MTBP: variants seen among roughly 807,000 people sequenced by gnomAD.
The protein encoded by MTBP is mdm2-binding protein.
Under a neutral mutation model 117.0 loss-of-function variants are expected in MTBP, and 101 were observed. That is an observed-to-expected ratio of 0.86 (90% confidence interval 0.73 to 1.02). The LOEUF (loss-of-function observed/expected upper bound fraction) is 1.02. Ranked by LOEUF, MTBP falls within the 50% of genes least tolerant of loss-of-function variation. The probability of loss-of-function intolerance (pLI) is 0.00; values close to 1 mark genes in which losing one functional copy is unlikely to be tolerated. For synonymous variants in MTBP, 350 were observed against 351.5 expected, an observed-to-expected ratio of 1.00 and a Z score of 0.05; for missense variants, 970 against 1,030.9, an observed-to-expected ratio of 0.94 and a Z score of 0.81.
At chr8:120,480,753 T>G (rs1017435040) in intron 11 of MTBP, among the ~76,000 whole-genome samples, 4 of 152,120 alleles carry the variant, frequency 2.6e-5, no homozygotes, top group Non-Finnish European at 4.4e-5. Context: ...ATGGATCATA[T>G]AACTTAATTC....
At chr8:120,503,905 A>C (rs1232031101) in intron 15 of MTBP, among the ~76,000 whole-genome samples, 1 of 152,136 alleles carries the variant, frequency 6.6e-6, no homozygotes, top group African/African-American at 2.4e-5. Context: ...GCTTCAGTCG[A>C]GTGAGTGGTG....
intron 14 of MTBP, among the ~76,000 whole-genome samples, chr8:120,497,997 G>A (rs1325842833): frequency 6.6e-6 from 1 of 152,192 alleles, no homozygotes; most frequent in African/African-American, 2.4e-5. Flanking sequence ...ACTTCACTGA[G>A]ACAGCTGGAA....
At position 120,455,535 on chromosome 8, in the gene MTBP, A is replaced by G; in HGVS notation, c.585A>G (p.Glu195=). Residue 195 remains glutamate, a synonymous_variant, in exon 6 of 22, where the codon GAA becomes GAG. Transcript: ENST00000305949. ...TAGGAGCATTAAAACATTTGAGAGA[A>G]TGGTATTCAGCAAAGATCACTATAG... is the stretch of plus-strand genomic sequence containing the variant. The part of the protein sequence containing the change: ...PTVGALKHLR[E]WYSAKITIAG... 1 of 1,609,654 alleles carries G rather than the reference A, an allele frequency of 6.2e-7. No individual in the cohort carries two copies. The highest frequency in any genetic ancestry group is 8.5e-7 in the Non-Finnish European group (1 of 1,177,900).
intron 11 of MTBP, among the ~76,000 whole-genome samples, chr8:120,481,628 TTGTC>T (rs1382444777): frequency 6.6e-6 from 1 of 152,184 alleles, no homozygotes; most frequent in Non-Finnish European, 1.5e-5. Context: ...AGATCAATGG[TTGTC>T]TGAGGCCATG....
chr8:120,474,098 T>C (rs556710177), intron 11 of MTBP: 15 of 152,162 alleles, frequency 9.9e-5, no homozygotes, highest in African/African-American at 3.4e-4. Context: ...ATATATCATG[T>C]GGCTTGATTT....
In MTBP at chr8:120,517,921, C is replaced by T. The variant is rs891166574; in HGVS notation, c.2317C>T (p.His773Tyr). The T allele has an allele frequency of 6.2e-7, 1 of 1,611,352 alleles. No individual in the cohort carries two copies. Among genetic ancestry groups the T allele is most frequent in the Middle Eastern group, 1.6e-4 (1 of 6,070 alleles). ...TTGNSNHYHH[H>Y]VTSRKPQTER... is the part of the protein sequence containing the mutation. ...TGGTAATAGTAATCACTATCATCAT[C>T]ATGTGACATCCAGAAAGCCACAAAC... Residue 773 changes from histidine to tyrosine, a missense_variant, in exon 19 of 22, where the codon CAT becomes TAT. Transcript: ENST00000305949.
intron 18 of MTBP, 29 bp from the exon 19 acceptor site, chr8:120,517,822 G>C (rs370325137): frequency 1.4e-5 from 22 of 1,591,334 alleles, no homozygotes; most frequent in Non-Finnish European, 1.9e-5. Context: ...CTTAATCTAC[G>C]TTCTTGATTT....
chr8:120,455,755 T>G (rs972405666), intron 6 of MTBP, among the ~76,000 whole-genome samples, 176 bp downstream of exon 6: 1 of 152,256 alleles, frequency 6.6e-6, no homozygotes, highest in Middle Eastern at 3.4e-3. Flanking sequence ...GTTTCATATT[T>G]TATATTTATG....
At chr8:120,467,273 A>C (rs969415485) in intron 10 of MTBP, among the ~76,000 whole-genome samples, 1 of 152,192 alleles carries the variant, frequency 6.6e-6, no homozygotes, top group African/African-American at 2.4e-5. Flanking sequence ...CATGATTTCC[A>C]CAATGACTGC....
chr8:120,469,962 A>G (rs1813785330), intron 10 of MTBP, among the ~76,000 whole-genome samples: 1 of 152,214 alleles, frequency 6.6e-6, no homozygotes, highest in Non-Finnish European at 1.5e-5. Flanking sequence ...GTCCATCAAT[A>G]TAGGACAGTT....
chr8:120,497,838 T>G (rs1814501546), intron 14 of MTBP, among the ~76,000 whole-genome samples: 1 of 152,206 alleles, frequency 6.6e-6, no homozygotes, highest in African/African-American at 2.4e-5. Flanking sequence ...CTCTTTAGTC[T>G]TACTAAGCTG....
intron 10 of MTBP, among the ~76,000 whole-genome samples, chr8:120,464,457 CTTACA>C (rs1452570971): frequency 1.3e-5 from 2 of 152,036 alleles, no homozygotes; most frequent in South Asian, 4.1e-4. Context: ...ATTGGCAGTA[CTTACA>C]TTACATTTTC....
chr8:120,497,370 A>C, intron 13 of MTBP, 23 bp from the exon 14 acceptor site: 1 of 1,574,014 alleles, frequency 6.4e-7, no homozygotes, highest in African/African-American at 1.4e-5. Context: ...AAAATAAGTC[A>C]ATTGTATTGA....
chr8:120,463,216 A>G (rs1394919268), intron 9 of MTBP, among the ~76,000 whole-genome samples: 1 of 152,194 alleles, frequency 6.6e-6, no homozygotes, highest in African/African-American at 2.4e-5. Flanking sequence ...CCTAAGAATC[A>G]GTCAGCTGAT....
chr8:120,473,708 A>G (rs1173431039), intron 11 of MTBP: 1 of 152,074 alleles, frequency 6.6e-6, no homozygotes, highest in Non-Finnish European at 1.5e-5. Flanking sequence ...AACCCTTCTC[A>G]TCTCACAGGG....
At chr8:120,500,317 C>T (rs1291580323) in intron 14 of MTBP, among the ~76,000 whole-genome samples, 4 of 152,254 alleles carry the variant, frequency 2.6e-5, no homozygotes, top group Non-Finnish European at 4.4e-5. Flanking sequence ...TTAAATGATT[C>T]CACAAAAGAC....
intron 10 of MTBP, among the ~76,000 whole-genome samples, chr8:120,465,906 A>G (rs1813678399): frequency 6.6e-6 from 1 of 152,060 alleles, no homozygotes; most frequent in Non-Finnish European, 1.5e-5. Flanking sequence ...TAGTCCATCT[A>G]GTTATTGAAG....
intron 2 of MTBP, among the ~76,000 whole-genome samples, chr8:120,448,961 A>AT (rs1184710325): frequency 6.6e-6 from 1 of 152,044 alleles, no homozygotes; most frequent in Non-Finnish European, 1.5e-5. Context: ...GGGTGTTTGG[A>AT]TTTTTTCCTA....
rs1814908137 is a variant in MTBP, at chr8:120,515,913, CA to C, written c.1980-11del. On this transcript the variant is annotated splice_polypyrimidine_tract_variant and intron_variant, in intron 17 of 21. Coordinates refer to ENST00000305949, the MANE Select transcript of MTBP (RefSeq NM_022045.5). ...GGAGGTTTACATTTTAATGCTCTTT[CA>C]CTCATTTTAGATATTGCTTGGATGA... The C allele has an allele frequency of 6.2e-7, 1 of 1,609,422 alleles. No homozygotes were observed. The highest frequency in any genetic ancestry group is 8.5e-7 in the Non-Finnish European group (1 of 1,177,618).
Sources: gnomAD v4.1 joint callset for allele counts (sites outside exome capture counted in the v4.1 genomes callset) on GRCh38, gnomAD v4.1.1 for gene constraint, MANE v1.5 for transcripts, NCBI Gene and HGNC (gene_info 2026-07-23, HGNC 2026-07-21) for gene names.